Variants in PTPN21 observed in about 807,000 individuals in gnomAD.
The protein encoded by PTPN21 is tyrosine-protein phosphatase non-receptor type 21.
A neutral mutation model predicts 131.8 loss-of-function variants in PTPN21; 77 were observed. The observed-to-expected ratio is 0.58, with a 90% CI of 0.49 to 0.71. The LOEUF is 0.71. Ranked by LOEUF, PTPN21 falls within the 30% of genes least tolerant of loss-of-function variation. PTPN21 has a pLI of 0.00. For synonymous variants in PTPN21, 715 were observed against 621.3 expected (o/e 1.15, Z -2.24); for missense variants, 1,552 against 1,527.1 (o/e 1.02, Z -0.27).
chr14:88,521,702 C>T (rs140260074), intron 2 of PTPN21, among the ~76,000 whole-genome samples: 2 of 152,094 alleles, frequency 1.3e-5, no homozygotes, highest in South Asian at 2.1e-4. Context: ...TGAGCCACCA[C>T]GCCTGGCTGT....
chr14:88,534,775 G>A (rs969701490), intron 2 of PTPN21, among the ~76,000 whole-genome samples: 1 of 152,164 alleles, frequency 6.6e-6, no homozygotes, highest in Admixed American at 6.5e-5. Context: ...TTGGGAGGCT[G>A]AGGCTACTTG....
chr14:88,546,223 AC>A (rs547914878), intron 2 of PTPN21, among the ~76,000 whole-genome samples: 73 of 151,738 alleles, frequency 4.8e-4, no homozygotes, highest in Non-Finnish European at 9.1e-4. Flanking sequence ...TATAGCTGAA[AC>A]CCCTGGGTAT....
At chr14:88,531,548 C>T (rs2078555683) in intron 2 of PTPN21, among the ~76,000 whole-genome samples, 1 of 152,032 alleles carries the variant, frequency 6.6e-6, no homozygotes, top group South Asian at 2.1e-4. Context: ...CAGAGTGAGA[C>T]TCCATCTCAA....
intron 12 of PTPN21, among the ~76,000 whole-genome samples, chr14:88,480,613 C>T (rs1420895422): frequency 6.6e-6 from 1 of 152,056 alleles, no homozygotes; most frequent in African/African-American, 2.4e-5. Context: ...ACGAACCACA[C>T]CCACAGCAGA....
rs182464146 is a variant in PTPN21, at chr14:88,497,265, G to A, written c.790C>T (p.His264Tyr). The A allele has an allele frequency of 1.2e-6, 2 of 1,613,332 alleles. No homozygotes were observed. The highest frequency in any genetic ancestry group is 4.5e-5 in the East Asian group (2 of 44,856). Residue 264 changes from histidine (H) to tyrosine (Y), a missense_variant, in exon 9 of 19, where the codon CAC becomes TAC. This residue lies in a region of PTPN21 where 1,016 missense variants were observed against 883.5 expected (regional missense o/e 1.15). Transcript: ENST00000556564. ...FRWHDIANMS[H>Y]NKSFFALELA... ...TCTAATGCAAAAAAGGACTTGTTGT[G>A]GGACATGTTGGCAATGTCATGCCAC...
intron 2 of PTPN21, among the ~76,000 whole-genome samples, chr14:88,547,142 C>T (rs1393753959): frequency 2.0e-5 from 3 of 152,064 alleles, no homozygotes; most frequent in Non-Finnish European, 4.4e-5. Context: ...GAAGGCAATG[C>T]CTGTGGGTTC....
chr14:88,474,093 TTTTAAAACAAGACAGACGTAACAAATC>T (rs1413635566), intron 13 of PTPN21, among the ~76,000 whole-genome samples: 4 of 136,242 alleles, frequency 2.9e-5, no homozygotes, highest in Non-Finnish European at 6.2e-5. Flanking sequence ...ACTGCATTCC[TTTTAAAACAAGACAGACGTAACAAATC>T]AGCTGAAGTC....
At chr14:88,511,184 G>A (rs1382022694) in intron 3 of PTPN21, among the ~76,000 whole-genome samples, 1 of 151,958 alleles carries the variant, frequency 6.6e-6, no homozygotes, top group Non-Finnish European at 1.5e-5. Context: ...CCAAAGTGCT[G>A]GGATTACAAG....
intron 13 of PTPN21, 44 bp from the exon 14 acceptor site, chr14:88,473,846 A>T (rs202041648): frequency 4.5e-5 from 69 of 1,532,110 alleles, no homozygotes; most frequent in Non-Finnish European, 5.8e-5. Flanking sequence ...ACACAAATAC[A>T]ACCCCTGTGA....
At chr14:88,480,472 G>T in intron 12 of PTPN21, 120 bp from the exon 13 acceptor site, 1 of 816,290 alleles carries the variant, frequency 1.2e-6, no homozygotes, top group Non-Finnish European at 1.9e-6. Flanking sequence ...ATCCCCGCTA[G>T]AATGACCTAG....
chr14:88,535,956 T>C (rs774745169), intron 2 of PTPN21, among the ~76,000 whole-genome samples: 1 of 152,224 alleles, frequency 6.6e-6, no homozygotes, highest in Non-Finnish European at 1.5e-5. Flanking sequence ...CCTTTAGTTA[T>C]TGGCGTTCAG....
At chr14:88,517,552 G>A (rs529639470) in intron 2 of PTPN21, among the ~76,000 whole-genome samples, 9 of 151,356 alleles carry the variant, frequency 5.9e-5, no homozygotes, top group African/African-American at 9.7e-5. Flanking sequence ...ATGTAGTGGC[G>A]GCTACTCAAT....
chr14:88,526,547 CAAAAAAAAAA>C (rs10587204), intron 2 of PTPN21, among the ~76,000 whole-genome samples: 2 of 56,912 alleles, frequency 3.5e-5, no homozygotes, highest in Non-Finnish European at 5.6e-5. Flanking sequence ...GAGATGATCT[CAAAAAAAAAA>C]AAAAAAAAAA....
chr14:88,518,386 GTATATATATATATATATA>G (rs71126987), intron 2 of PTPN21, among the ~76,000 whole-genome samples: 3 of 9,708 alleles, frequency 3.1e-4, no homozygotes, highest in African/African-American at 7.3e-4. Context: ...GTGTGTGTGT[GTATATATATATATATATA>G]TATATATATA....
At position 88,479,381 on chromosome 14, in the gene PTPN21, G is replaced by A; in HGVS notation, c.2050C>T (p.Arg684Ter). ...CCCTCCGCCTCCTCCGGCCCTTCTC[G>A]CTGTGTCCTCTCGGTGAAAACGCTG... ...QPSVFTERTQ[R>*]EGPEEAEGLR... is the part of the protein sequence containing the mutation. Residue 684 changes from arginine to a stop codon, truncating the protein, a stop_gained, in exon 13 of 19, where the codon CGA becomes TGA. Coordinates refer to ENST00000556564, the MANE Select transcript of PTPN21 (RefSeq NM_007039.4). LOFTEE classifies it high-confidence loss of function. The A allele has an allele frequency of 1.2e-6, 2 of 1,608,858 alleles. No homozygotes were observed. Among genetic ancestry groups the A allele is most frequent in the East Asian group, 2.2e-5 (1 of 44,832 alleles).
At chr14:88,510,319 C>T (rs1369322710) in intron 3 of PTPN21, among the ~76,000 whole-genome samples, 1 of 152,160 alleles carries the variant, frequency 6.6e-6, no homozygotes, top group Non-Finnish European at 1.5e-5. Flanking sequence ...GCTTTGGCTG[C>T]CATTAAGCTC....
chr14:88,479,547 G>T lies in PTPN21; in HGVS notation c.1884C>A (p.Arg628=). 1 of 1,599,186 alleles carries T rather than the reference G, an allele frequency of 6.3e-7. No individual in the cohort carries two copies. The highest frequency in any genetic ancestry group is 8.5e-7 in the Non-Finnish European group (1 of 1,178,910). ...QEVSEPLTAA[R]HAQLHKRNSI... is the part of the protein sequence containing the mutation. ...TGTTCCGTTTGTGCAGCTGCGCGTG[G>T]CGCGCGGCGGTGAGGGGCTCGCTGA... Residue 628 remains arginine, a synonymous_variant, in exon 13 of 19, where the codon CGC becomes CGA. Coordinates refer to ENST00000556564, the MANE Select transcript of PTPN21 (RefSeq NM_007039.4).
At chr14:88,496,216 G>T (rs1172972037) in intron 10 of PTPN21, among the ~76,000 whole-genome samples, 197 bp downstream of exon 10, 2 of 152,152 alleles carry the variant, frequency 1.3e-5, no homozygotes, top group African/African-American at 2.4e-5. Context: ...AATGGTTCTT[G>T]TAACTAGTTG....
chr14:88,478,600 A>T (rs1382761465), intron 13 of PTPN21, among the ~76,000 whole-genome samples: 2 of 152,200 alleles, frequency 1.3e-5, no homozygotes, highest in Non-Finnish European at 2.9e-5. Flanking sequence ...TAAAGTAATG[A>T]AATCTTAACT....
Sources: allele counts gnomAD v4.1 joint callset (sites outside exome capture counted in the v4.1 genomes callset), GRCh38; gene constraint gnomAD v4.1.1; regional missense constraint gnomAD v4.1.1; transcripts MANE v1.5; gene names NCBI Gene and HGNC (gene_info 2026-07-23, HGNC 2026-07-21).